Variants in IGSF10 observed in about 807,000 individuals in gnomAD.
IGSF10 encodes the protein calvaria mechanical force protein 608.
Under a neutral mutation model 128.2 loss-of-function variants are expected in IGSF10, and 126 were observed. The ratio of observed to expected loss-of-function variants is 0.98; its 90% CI spans 0.85 to 1.14. The LOEUF (loss-of-function observed/expected upper bound fraction) is 1.14. Ranked by LOEUF, IGSF10 falls within the 50% of genes most tolerant of loss-of-function variation. The probability of loss-of-function intolerance (pLI) is 0.00; values close to 1 mark genes in which losing one functional copy is unlikely to be tolerated. For missense variants in IGSF10, 3,295 were observed against 3,149.8 expected (o/e 1.05, Z -1.10); for synonymous variants, 1,185 against 1,146.2 (o/e 1.03, Z -0.68).
the IGSF10 span, among the ~76,000 whole-genome samples, chr3:151,483,428 G>A: frequency 3.9e-5 from 6 of 151,972 alleles, no homozygotes; most frequent in African/African-American, 1.2e-4. Flanking sequence ...AACTACAGCA[G>A]ATATACAAAC....
chr3:151,576,938 G>A, the IGSF10 span, among the ~76,000 whole-genome samples: 1 of 151,916 alleles, frequency 6.6e-6, no homozygotes, highest in Non-Finnish European at 1.5e-5. Flanking sequence ...TACCTATGGA[G>A]AAGCCCCTTT....
the IGSF10 span, among the ~76,000 whole-genome samples, chr3:151,468,871 T>C: frequency 4.9e-4 from 75 of 152,360 alleles, no homozygotes; most frequent in Middle Eastern, 3.4e-3. Flanking sequence ...TAGCTATTTA[T>C]CCTGATGCTC....
chr3:151,529,423 C>A, the IGSF10 span, among the ~76,000 whole-genome samples: 2 of 152,180 alleles, frequency 1.3e-5, no homozygotes, highest in East Asian at 3.9e-4. Context: ...AGACACCTCC[C>A]ATTAGGGGCT....
rs749510883 is a variant in IGSF10, at chr3:151,438,059, C to T, written c.6502G>A (p.Asp2168Asn). ...TAVLDCEVTG[D>N]PKPKIFWLLP... ...AACCAAAATATTTTTGGTTTGGGAT[C>T]CCCAGTGACCTCACAGTCAAGGACA... Residue 2168 changes from aspartate to asparagine, a missense_variant, in exon 8 of 8, where the codon GAT becomes AAT. By Grantham distance (23) the Asp-to-Asn change is conservative. Coordinates refer to ENST00000282466, the MANE Select transcript of IGSF10 (RefSeq NM_178822.5). 3.1e-6 allele frequency: 5 copies of T among 1,614,196 alleles called. No individual in the cohort carries two copies. The South Asian group carries it at 3.3e-5, about 11-fold the overall frequency.
Position 151,447,755 on chromosome 3 carries a change from C to T in IGSF10, c.2226G>A (p.Arg742=). Residue 742 remains arginine, a synonymous_variant, in exon 6 of 8, where the codon AGG becomes AGA. Coordinates refer to ENST00000282466, the MANE Select transcript of IGSF10 (RefSeq NM_178822.5). The stretch of plus-strand genomic sequence containing the variant: ...TTCTCCTAGCAGAGGGAGGGAAATG[C>T]CTCCTATTCTCCCTAAAACGTCGAT... ...STHRRFRENR[R]HFPPSARRID... 6.2e-7 allele frequency: 1 copy of T among 1,614,126 alleles called. No homozygotes were observed. The highest frequency in any genetic ancestry group is 8.5e-7 in the Non-Finnish European group (1 of 1,180,012).
rs550628617 is a variant in IGSF10, at chr3:151,446,963, C to T, written c.3018G>A (p.Leu1006=). 1.9e-6 allele frequency: 3 copies of T among 1,614,204 alleles called. No homozygotes were observed. Among genetic ancestry groups the T allele is most frequent in the African/African-American group, 2.7e-5 (2 of 75,050 alleles). The part of the protein sequence containing the change: ...IPRNSTVNIP[L]FRRFGRQRKI... ...TCCTCTGCCTCCCAAAGCGTCTGAA[C>T]AGCGGGATGTTAACTGTACTATTTC... Residue 1006 remains leucine (L), a synonymous_variant, in exon 6 of 8, where the codon CTG becomes CTA. Coordinates refer to ENST00000282466, the MANE Select transcript of IGSF10 (RefSeq NM_178822.5).
chr3:151,543,574 C>T, the IGSF10 span, among the ~76,000 whole-genome samples: 1 of 152,188 alleles, frequency 6.6e-6, no homozygotes, highest in African/African-American at 2.4e-5. Flanking sequence ...TGCTTGCTCT[C>T]TCTCTTTCTC....
chr3:151,437,169 G>T lies in IGSF10; in HGVS notation c.7392C>A (p.Ile2464=), dbSNP rs1390330224. 1 of 1,614,100 alleles carries T rather than the reference G, an allele frequency of 6.2e-7. No homozygotes were observed. Residue 2464 remains isoleucine (I), a synonymous_variant, in exon 8 of 8, where the codon ATC becomes ATA. Coordinates refer to ENST00000282466, the MANE Select transcript of IGSF10 (RefSeq NM_178822.5). ...CVSDGIPKPN[I]KWTMPSGYVV... ...CATAACCACTTGGCATAGTCCATTT[G>T]ATATTTGGCTTAGGGATTCCATCAG...
the IGSF10 span, among the ~76,000 whole-genome samples, chr3:151,605,863 A>G: frequency 1.3e-5 from 2 of 152,218 alleles, no homozygotes; most frequent in African/African-American, 4.8e-5. Flanking sequence ...TCCAAAGCTT[A>G]GACTATATCA....
the IGSF10 span, among the ~76,000 whole-genome samples, chr3:151,554,508 C>G: frequency 0.66 from 99,425 of 150,510 alleles, 32,631 homozygotes; most frequent in Middle Eastern, 0.71. Context: ...TTGCCTAACT[C>G]TCATAGTTCA....
chr3:151,546,884 C>T, the IGSF10 span, among the ~76,000 whole-genome samples: 6 of 152,248 alleles, frequency 3.9e-5, no homozygotes, highest in Non-Finnish European at 7.3e-5. Flanking sequence ...AATTATCCTG[C>T]CTCAGCCTCC....
the IGSF10 span, among the ~76,000 whole-genome samples, chr3:151,550,430 C>A: frequency 6.6e-6 from 1 of 152,114 alleles, no homozygotes; most frequent in African/African-American, 2.4e-5. Flanking sequence ...ATTCCAAGAG[C>A]TTTCTCGGAC....
At chr3:151,610,296 C>T in the IGSF10 span, among the ~76,000 whole-genome samples, 1 of 152,276 alleles carries the variant, frequency 6.6e-6, no homozygotes, top group African/African-American at 2.4e-5. Context: ...AGAACATTTC[C>T]TATTCCCAAT....
the IGSF10 span, among the ~76,000 whole-genome samples, chr3:151,582,686 G>GTCTA: frequency 3.0e-4 from 45 of 151,834 alleles, no homozygotes; most frequent in African/African-American, 7.5e-4. Context: ...TCTATTGTCT[G>GTCTA]TCTATCTATC....
chr3:151,586,003 AGGGTC>A, the IGSF10 span, among the ~76,000 whole-genome samples: 25 of 149,054 alleles, frequency 1.7e-4, no homozygotes, highest in Non-Finnish European at 3.0e-4. Flanking sequence ...TTTTTGAGAC[AGGGTC>A]TCACTCTGTT....
chr3:151,589,387 A>T, the IGSF10 span, among the ~76,000 whole-genome samples: 1 of 152,210 alleles, frequency 6.6e-6, no homozygotes, highest in Non-Finnish European at 1.5e-5. Flanking sequence ...CCATCTGAAG[A>T]TGTACTTGAC....
the IGSF10 span, among the ~76,000 whole-genome samples, chr3:151,552,552 G>A: frequency 2.0e-5 from 3 of 152,112 alleles, no homozygotes; most frequent in Non-Finnish European, 2.9e-5. Flanking sequence ...GGACATCTGG[G>A]TGGCAGTGAG....
chr3:151,573,311 T>G, the IGSF10 span, among the ~76,000 whole-genome samples: 5 of 152,218 alleles, frequency 3.3e-5, no homozygotes, highest in African/African-American at 1.2e-4. Context: ...TTGATCTGTC[T>G]AATATTGACA....
Position 151,453,663 on chromosome 3 carries a change from G to T in IGSF10, c.436C>A (p.Pro146Thr). The change falls in exon 5 of 8, where the codon CCA becomes ACA. Residue 146 changes from proline (P) to threonine (T), a missense_variant. Pro to Thr is a conservative substitution (Grantham distance 38). Coordinates refer to ENST00000282466, the MANE Select transcript of IGSF10 (RefSeq NM_178822.5). ...AAGTTGAGCCCATAAAAAACCTCTGGGTTTATAAACTCAATATTGTTGTGG... is the reference window on the plus strand; with the variant it reads ...AAGTTGAGCCCATAAAAAACCTCTGTGTTTATAAACTCAATATTGTTGTGG... ...MDHNNIEFIN[P>T]EVFYGLNFLR... 6.2e-7 allele frequency: 1 copy of T among 1,613,628 alleles called. No individual in the cohort carries two copies. The highest frequency in any genetic ancestry group is 1.1e-5 in the South Asian group (1 of 91,062).
Sources: gnomAD v4.1 joint callset for allele counts (sites outside exome capture counted in the v4.1 genomes callset) on GRCh38, gnomAD v4.1.1 for gene constraint, MANE v1.5 for transcripts, NCBI Gene and HGNC (gene_info 2026-07-23, HGNC 2026-07-21) for gene names.